Variants in PTPRC observed in about 807,000 individuals in gnomAD.
PTPRC encodes the protein receptor-type tyrosine-protein phosphatase C.
Under a neutral mutation model 155.9 loss-of-function variants are expected in PTPRC, and 44 were observed. The observed-to-expected ratio is 0.28, with a 90% CI of 0.22 to 0.36. PTPRC has a LOEUF of 0.36. PTPRC is among the 10% of genes least tolerant of loss of function. PTPRC has a pLI of 1.00. For synonymous variants in PTPRC, 525 were observed against 533.1 expected, an observed-to-expected ratio of 0.98 and a Z score of 0.21; for missense variants, 1,401 against 1,564.6, an observed-to-expected ratio of 0.90 and a Z score of 1.76.
intron 2 of PTPRC, among the ~76,000 whole-genome samples, chr1:198,685,047 G>A (rs1269858822): frequency 1.3e-5 from 2 of 151,956 alleles, no homozygotes; most frequent in Non-Finnish European, 2.9e-5. Context: ...CTGAGTCTTA[G>A]TTTCCTTATA....
rs771218322 is a variant in PTPRC at position 198,704,460 on chromosome 1, T to C, written c.659-12T>C. On this transcript the variant is annotated splice_polypyrimidine_tract_variant and intron_variant, in intron 7 of 32. Transcript: ENST00000442510. Reference sequence around the variant, plus strand: ...AAATTTTAATAATTTACATTTTTTTTCTCCATTACAGCTACTACTCCATCT... The same window carrying C: ...AAATTTTAATAATTTACATTTTTTTCCTCCATTACAGCTACTACTCCATCT... 33 of 1,613,788 alleles carry C rather than the reference T, an allele frequency of 2.0e-5. No individual in the cohort carries two copies. The highest frequency in any genetic ancestry group is 1.6e-4 in the Middle Eastern group (1 of 6,082).
In PTPRC at chr1:198,728,408, G is replaced by A. The variant is rs1654241656; in HGVS notation, c.1789G>A (p.Val597Ile). The A allele has an allele frequency of 1.2e-6, 2 of 1,612,872 alleles. No homozygotes were observed. Among genetic ancestry groups the A allele is most frequent in the Non-Finnish European group, 1.7e-6 (2 of 1,179,458 alleles). The change falls in exon 16 of 33, where the codon GTT (valine) becomes ATT (isoleucine). Residue 597 changes from valine to isoleucine, a missense_variant. Physicochemically the swap from Val to Ile is conservative, Grantham distance 29 (BLOSUM62 3). Around this residue, in one of 3 missense-constraint regions of PTPRC, gnomAD observed 867 missense variants for 970.4 expected, o/e 0.89. Transcript: ENST00000442510. ...IIVTSIALLV[V>I]LYKIYDLHKK... ...TGTGACATCAATAGCCCTGCTTGTT[G>A]TTCTCTACAAAATCTATGATCTACA... is the stretch of plus-strand genomic sequence containing the variant.
intron 2 of PTPRC, among the ~76,000 whole-genome samples, chr1:198,644,050 G>T (rs537108102): frequency 6.6e-6 from 1 of 152,018 alleles, no homozygotes; most frequent in South Asian, 2.1e-4. Flanking sequence ...CAAAGGCAAG[G>T]TTTCATCTTC....
chr1:198,681,199 G>A (rs892138072), intron 2 of PTPRC, among the ~76,000 whole-genome samples: 2 of 151,722 alleles, frequency 1.3e-5, no homozygotes, highest in African/African-American at 2.4e-5. Context: ...TATTATTTAC[G>A]AATGTTAATA....
Position 198,639,261 on chromosome 1 carries a change from T to A in PTPRC, c.-8T>A. 6.2e-7 allele frequency: 1 copy of A among 1,613,236 alleles called. No individual in the cohort carries two copies. On this transcript the variant is annotated 5_prime_UTR_variant, in exon 2 of 33. Coordinates refer to ENST00000442510, the MANE Select transcript of PTPRC (RefSeq NM_002838.5). ...GCTGTTTCTTAGGGACACGGCTGAC[T>A]TCCAGATATGACCATGTATTTGTGG...
intron 2 of PTPRC, among the ~76,000 whole-genome samples, chr1:198,668,490 T>G (rs2102282982): frequency 1.3e-5 from 2 of 152,374 alleles, no homozygotes; most frequent in Middle Eastern, 6.8e-3. Context: ...GTGCGTGTTA[T>G]GGACTTGCAT....
chr1:198,646,844 A>G (rs1158887374), intron 2 of PTPRC, among the ~76,000 whole-genome samples: 1 of 151,882 alleles, frequency 6.6e-6, no homozygotes, highest in East Asian at 1.9e-4. Flanking sequence ...TCAAGGTGAT[A>G]AGTTTAAAAT....
chr1:198,740,013 A>G (rs1451449383), intron 23 of PTPRC, among the ~76,000 whole-genome samples: 2 of 151,856 alleles, frequency 1.3e-5, no homozygotes, highest in African/African-American at 4.8e-5. Context: ...AAAATTTTTC[A>G]AAACAAATGA....
intron 5 of PTPRC, among the ~76,000 whole-genome samples, chr1:198,701,293 G>C (rs1007852758): frequency 6.6e-6 from 1 of 152,312 alleles, no homozygotes; most frequent in African/African-American, 2.4e-5. Context: ...TACTGCATTT[G>C]TAATTGGTAG....
intron 2 of PTPRC, among the ~76,000 whole-genome samples, chr1:198,642,964 CTTTCTT>C (rs1223326377): frequency 1.4e-5 from 2 of 140,472 alleles, no homozygotes; most frequent in Admixed American, 7.3e-5. Context: ...TTCTTTCTTT[CTTTCTT>C]TTTTCTTTCT....
intron 25 of PTPRC, among the ~76,000 whole-genome samples, 155 bp from the exon 26 acceptor site, chr1:198,743,899 C>A (rs1217145199): frequency 6.6e-6 from 1 of 151,800 alleles, no homozygotes; most frequent in East Asian, 1.9e-4. Context: ...TGAGAGTGAA[C>A]TTCCAGAATA....
chr1:198,738,091 G>T lies in PTPRC; in HGVS notation c.2403+2839G>T, dbSNP rs558431743. 7.9e-5 allele frequency among the ~76,000 whole-genome samples: 12 copies of T among 151,788 alleles called. No individual in the cohort carries two copies. The East Asian group carries it at 1.4e-3, about 17-fold the overall frequency. ...TAGGTTTTTCCAAATATAAGATAATGGAATGTGCAAACAAGTATAATTGGA... is the reference window on the plus strand; with the variant it reads ...TAGGTTTTTCCAAATATAAGATAATTGAATGTGCAAACAAGTATAATTGGA... On this transcript the variant is annotated intron_variant, in intron 23 of 32. Coordinates refer to ENST00000442510, the MANE Select transcript of PTPRC (RefSeq NM_002838.5).
chr1:198,728,787 T>C (rs2102474778), intron 16 of PTPRC, among the ~76,000 whole-genome samples: 1 of 152,228 alleles, frequency 6.6e-6, no homozygotes, highest in South Asian at 2.1e-4. Context: ...CTGGGGAAGT[T>C]AATGTGTTTC....
intron 3 of PTPRC, chr1:198,695,058 A>T: frequency 3.2e-6 from 3 of 923,076 alleles, no homozygotes; most frequent in Non-Finnish European, 3.9e-6. Flanking sequence ...ATCACAGAAT[A>T]GTTCTGCAAT....
chr1:198,734,422 C>A lies in PTPRC; in HGVS notation c.2274C>A (p.Asn758Lys). The A allele has an allele frequency of 6.2e-7, 1 of 1,610,354 alleles. No homozygotes were observed. The highest frequency in any genetic ancestry group is 8.5e-7 in the Non-Finnish European group (1 of 1,177,356). The change falls in exon 22 of 33, where the codon AAC becomes AAA. Residue 758 changes from asparagine to lysine, a missense_variant. Coordinates refer to ENST00000442510, the MANE Select transcript of PTPRC (RefSeq NM_002838.5). The stretch of plus-strand genomic sequence containing the variant: ...TGGTCACTCGATGTGAAGAAGGAAA[C>A]AGGGTAAGAACCAAGAAGATTCATA... ...IVMVTRCEEGNRNKCAEYWPS... is the reference protein window; with the variant it reads ...IVMVTRCEEGKRNKCAEYWPS...
intron 2 of PTPRC, among the ~76,000 whole-genome samples, chr1:198,683,320 T>C (rs950368199): frequency 2.6e-5 from 4 of 152,154 alleles, no homozygotes; most frequent in African/African-American, 9.6e-5. Context: ...CATCTTTTGA[T>C]GATTCTTTGT....
chr1:198,643,220 C>T (rs1384541713), intron 2 of PTPRC, among the ~76,000 whole-genome samples: 2 of 151,536 alleles, frequency 1.3e-5, no homozygotes, highest in South Asian at 2.1e-4. Context: ...ATGATGATGA[C>T]ATGTGAATTA....
intron 2 of PTPRC, among the ~76,000 whole-genome samples, chr1:198,680,889 G>A (rs1459338459): frequency 6.6e-6 from 1 of 152,130 alleles, no homozygotes; most frequent in Non-Finnish European, 1.5e-5. Flanking sequence ...AGGAGCTTTG[G>A]ATTCTAGTAG....
chr1:198,752,408 T>C (rs754347558), intron 30 of PTPRC, 37 bp downstream of exon 30: 2 of 1,608,424 alleles, frequency 1.2e-6, no homozygotes, highest in African/African-American at 1.3e-5. Flanking sequence ...TTCTTTGATA[T>C]AATGGATCTG....
Sources: allele counts gnomAD v4.1 joint callset (sites outside exome capture counted in the v4.1 genomes callset), GRCh38; gene constraint gnomAD v4.1.1; regional missense constraint gnomAD v4.1.1; transcripts MANE v1.5; gene names NCBI Gene and HGNC (gene_info 2026-07-23, HGNC 2026-07-21).